CPPED1: variants seen among roughly 807,000 people sequenced by gnomAD.
CPPED1 encodes calcineurin like phosphoesterase domain containing 1.
In CPPED1, 28 loss-of-function variants were observed where a neutral mutation model predicts 28.0. The observed-to-expected ratio is 1.00, with a 90% CI of 0.74 to 1.37. The LOEUF is 1.37. Ranked by LOEUF, CPPED1 falls within the 40% of genes most tolerant of loss-of-function variation. The pLI, the probability that CPPED1 is intolerant of heterozygous loss-of-function variation, is 0.00. For missense variants in CPPED1, 504 were observed against 416.5 expected (o/e 1.21, Z -1.83); for synonymous variants, 198 against 180.2 (o/e 1.10, Z -0.79).
intron 2 of CPPED1, among the ~76,000 whole-genome samples, chr16:12,726,022 T>G (rs1483921178): frequency 6.6e-6 from 1 of 151,742 alleles, no homozygotes; most frequent in Non-Finnish European, 1.5e-5. Flanking sequence ...CATAGGGAGA[T>G]CCCATCTCTA....
At chr16:12,788,900 G>A (rs1387488402) in intron 1 of CPPED1, among the ~76,000 whole-genome samples, 2 of 152,200 alleles carry the variant, frequency 1.3e-5, no homozygotes, top group African/African-American at 4.8e-5. Context: ...ATAGCACAGG[G>A]TTGATTTGAG....
chr16:12,748,308 G>C (rs1254240364), intron 2 of CPPED1, among the ~76,000 whole-genome samples: 1 of 152,154 alleles, frequency 6.6e-6, no homozygotes, highest in African/African-American at 2.4e-5. Flanking sequence ...TGATCCATAT[G>C]AATGATCCAT....
In CPPED1 at chr16:12,709,767, T is replaced by C. The variant is rs1211084301; in HGVS notation, c.290-4718A>G. 3.3e-5 allele frequency among the ~76,000 whole-genome samples: 5 copies of C among 152,186 alleles called. No individual in the cohort carries two copies. Among genetic ancestry groups the C allele is most frequent in the Non-Finnish European group, 7.3e-5 (5 of 68,038 alleles). On this transcript the variant is annotated intron_variant, in intron 2 of 3. Coordinates refer to ENST00000381774, the MANE Select transcript of CPPED1 (RefSeq NM_018340.3). The surrounding 1 kb of genome is among the most constrained non-coding windows in gnomAD (Gnocchi z 4.4). ...TCATAGGTAATGGTGAAAGACTGAC[T>C]GCCTTCCTCCAAGATCAGGAACAAG...
At chr16:12,735,578 A>C (rs79406646) in intron 2 of CPPED1, among the ~76,000 whole-genome samples, 1,901 of 152,332 alleles carry the variant, frequency 0.012, 47 homozygotes, top group African/African-American at 0.043. Flanking sequence ...TGCTGGGATT[A>C]CAGGCACGAG....
intron 2 of CPPED1, among the ~76,000 whole-genome samples, chr16:12,761,354 G>A (rs151314620): frequency 1.3e-5 from 2 of 152,106 alleles, no homozygotes; most frequent in Middle Eastern, 3.4e-3. Flanking sequence ...TCTGAGATGG[G>A]CTGGAAGCAC....
chr16:12,786,638 G>A (rs2080564967), intron 1 of CPPED1, among the ~76,000 whole-genome samples: 1 of 152,064 alleles, frequency 6.6e-6, no homozygotes, highest in African/African-American at 2.4e-5. Flanking sequence ...GTAAGAAGTT[G>A]GGTTGGGCAT....
intron 2 of CPPED1, among the ~76,000 whole-genome samples, chr16:12,721,664 A>G (rs529360797): frequency 6.6e-6 from 1 of 151,802 alleles, no homozygotes; most frequent in South Asian, 2.1e-4. Flanking sequence ...GTGGCGGGAG[A>G]ATCCACTTGA....
chr16:12,706,537 C>G (rs978698786), intron 2 of CPPED1, among the ~76,000 whole-genome samples: 6 of 134,790 alleles, frequency 4.5e-5, no homozygotes, highest in African/African-American at 1.7e-4. Flanking sequence ...TTTTCCCAAG[C>G]TTATGTATAA....
At chr16:12,761,940 A>G (rs1012449194) in intron 2 of CPPED1, among the ~76,000 whole-genome samples, 1 of 151,980 alleles carries the variant, frequency 6.6e-6, no homozygotes, top group Non-Finnish European at 1.5e-5. Flanking sequence ...ACTTGAACAC[A>G]TGAGGTGGAG....
At chr16:12,680,687 G>A (rs1347689774) in intron 3 of CPPED1, among the ~76,000 whole-genome samples, 2 of 152,176 alleles carry the variant, frequency 1.3e-5, no homozygotes, top group East Asian at 3.9e-4. Context: ...TGAGAAGAGA[G>A]ACACTCTCAG....
chr16:12,697,939 A>C (rs2080000497), intron 3 of CPPED1, among the ~76,000 whole-genome samples: 1 of 152,072 alleles, frequency 6.6e-6, no homozygotes, highest in African/African-American at 2.4e-5. Flanking sequence ...CAGTGAAACT[A>C]TCTCTTCTAA....
At chr16:12,710,949 C>T (rs1049779646) in intron 2 of CPPED1, among the ~76,000 whole-genome samples, 3 of 152,132 alleles carry the variant, frequency 2.0e-5, no homozygotes, top group Non-Finnish European at 2.9e-5. Context: ...AAAAATTAAA[C>T]GTAGGATTAC....
At chr16:12,695,840 G>T (rs906928270) in intron 3 of CPPED1, among the ~76,000 whole-genome samples, 4 of 152,274 alleles carry the variant, frequency 2.6e-5, no homozygotes, top group Admixed American at 2.6e-4. Context: ...CTGGTTCAGG[G>T]TCTGCCTGAT....
intron 2 of CPPED1, among the ~76,000 whole-genome samples, chr16:12,727,001 G>A (rs1002146866): frequency 1.4e-4 from 22 of 152,164 alleles, no homozygotes; most frequent in Admixed American, 6.5e-4. Flanking sequence ...TCAGGGGAAG[G>A]ACGCTGCCCC....
intron 2 of CPPED1, among the ~76,000 whole-genome samples, chr16:12,771,522 G>A (rs1373994505): frequency 1.3e-5 from 2 of 152,226 alleles, no homozygotes; most frequent in Non-Finnish European, 2.9e-5. Context: ...CTAAGCTTGG[G>A]AGAAGGCGAA....
chr16:12,784,868 G>A (rs551318594), intron 1 of CPPED1, among the ~76,000 whole-genome samples: 6 of 152,178 alleles, frequency 3.9e-5, no homozygotes, highest in Admixed American at 2.0e-4. Context: ...AGTCCTTGAA[G>A]CTATTAAAAC....
intron 2 of CPPED1, among the ~76,000 whole-genome samples, chr16:12,746,786 G>A (rs1196114102): frequency 1.3e-5 from 2 of 152,122 alleles, no homozygotes; most frequent in Non-Finnish European, 2.9e-5. Flanking sequence ...TTGTTATCAG[G>A]GTCTTATGTA....
At chr16:12,715,963 C>T (rs1043127104) in intron 2 of CPPED1, among the ~76,000 whole-genome samples, 1 of 152,122 alleles carries the variant, frequency 6.6e-6, no homozygotes, top group Non-Finnish European at 1.5e-5. Flanking sequence ...AGACTGGACA[C>T]CCCTGGTTTA....
intron 1 of CPPED1, among the ~76,000 whole-genome samples, chr16:12,783,501 A>C (rs569859131): frequency 2.7e-5 from 4 of 150,732 alleles, no homozygotes; most frequent in Non-Finnish European, 4.4e-5. Flanking sequence ...TCAAAACTAA[A>C]TAAATAAATT....
Sources: allele counts gnomAD v4.1 joint callset (sites outside exome capture counted in the v4.1 genomes callset), GRCh38; gene constraint gnomAD v4.1.1; non-coding constraint Gnocchi (gnomAD v3.1); transcripts MANE v1.5; gene names NCBI Gene and HGNC (gene_info 2026-07-23, HGNC 2026-07-21).